Variants in EPHA4 observed in about 807,000 individuals in gnomAD.
EPHA4 encodes EPH receptor A4, also known as ephrin type-A receptor 4.
A neutral mutation model predicts 108.3 loss-of-function variants in EPHA4; 19 were observed. That is an observed-to-expected ratio of 0.18 (90% confidence interval 0.12 to 0.26). EPHA4 has a LOEUF of 0.26. Among genes scored for constraint, EPHA4 ranks in the 10% least tolerant of loss-of-function variants. EPHA4 has a pLI of 1.00. For synonymous variants in EPHA4, 449 were observed against 455.5 expected (o/e 0.99, Z 0.18); for missense variants, 917 against 1,254.0 (o/e 0.73, Z 4.06).
At position 221,419,248 on chromosome 2, in the gene EPHA4, CT is replaced by C. The variant is rs1035379155; in HGVS notation, c.*2123del. 6.6e-6 allele frequency: 1 copy of C among 152,606 alleles called. No homozygotes were observed. The highest frequency in any genetic ancestry group is 1.5e-5 in the Non-Finnish European group (1 of 68,042). 9.5% of individuals were successfully genotyped at this position (152,606 alleles called of 1,614,324 possible). On this transcript the variant is annotated 3_prime_UTR_variant, in exon 18 of 18. Coordinates refer to ENST00000281821, the MANE Select transcript of EPHA4 (RefSeq NM_004438.5). ...GCTCCGATTCTAGAAGGCTGATGCT[CT>C]TGTGAGGGCAACAGGAGTTAGCTGC... is the stretch of plus-strand genomic sequence containing the variant.
At chr2:221,548,844 T>C (rs1048802551) in intron 3 of EPHA4, among the ~76,000 whole-genome samples, 2 of 152,108 alleles carry the variant, frequency 1.3e-5, no homozygotes, top group African/African-American at 4.8e-5. Context: ...AGTCTAGAAG[T>C]TCATAATTGA....
chr2:221,446,171 AT>A lies in EPHA4; in HGVS notation c.1725del (p.Lys575AsnfsTer15). 1 of 1,522,804 alleles carries A rather than the reference AT, an allele frequency of 6.6e-7. No homozygotes were observed. The highest frequency in any genetic ancestry group is 8.8e-7 in the Non-Finnish European group (1 of 1,136,762). 94.3% of individuals were successfully genotyped at this position (1,522,804 alleles called of 1,614,324 possible). A position where few individuals can be genotyped will look rare whatever the true frequency, so the allele number is the denominator to read the frequency against. ...TCCGCTTCTTGTTTGGCTTTACTGT[AT>A]TTACTCCGTCTATTAAAATTTTTTT... ...AAFVISRRRS[K>X]YSKAKQEADE... On this transcript the variant is annotated frameshift_variant, in exon 9 of 18. Coordinates refer to ENST00000281821, the MANE Select transcript of EPHA4 (RefSeq NM_004438.5). LOFTEE classifies it high-confidence loss of function.
intron 1 of EPHA4, chr2:221,569,284 C>G (rs1490092071): frequency 1.3e-5 from 2 of 152,248 alleles, no homozygotes; most frequent in African/African-American, 4.8e-5. Context: ...CTAACATTTT[C>G]CCTTCCACAA....
intron 5 of EPHA4, among the ~76,000 whole-genome samples, chr2:221,479,752 G>T (rs1691763446): frequency 6.6e-6 from 1 of 152,210 alleles, no homozygotes. Flanking sequence ...ATTATGATAG[G>T]ATAATGAAGC....
upstream of EPHA4, chr2:221,572,744 A>G (rs1331830401): frequency 1.3e-5 from 2 of 152,466 alleles, no homozygotes; most frequent in Non-Finnish European, 1.5e-5. Context: ...TCTTTAGGAG[A>G]GTCGACGTGT....
chr2:221,558,513 AGTAACTG>A (rs1448414810), intron 3 of EPHA4, among the ~76,000 whole-genome samples: 1 of 152,156 alleles, frequency 6.6e-6, no homozygotes, highest in African/African-American at 2.4e-5. Flanking sequence ...TTTGCACAGC[AGTAACTG>A]AAAAACCACT....
At chr2:221,423,260 A>T (rs1361007241) in intron 17 of EPHA4, among the ~76,000 whole-genome samples, 4 of 152,262 alleles carry the variant, frequency 2.6e-5, no homozygotes, top group Admixed American at 2.6e-4. Context: ...GAACTGAGTT[A>T]TAAAGAAAAG....
At chr2:221,540,932 CT>C (rs762353327) in intron 3 of EPHA4, among the ~76,000 whole-genome samples, 13,957 of 120,580 alleles carry the variant, frequency 0.12, 535 homozygotes, top group Non-Finnish European at 0.14. Flanking sequence ...GGAAAACTGT[CT>C]TTTTTTTTTT....
At chr2:221,526,542 TAAAA>T (rs140593891) in intron 3 of EPHA4, among the ~76,000 whole-genome samples, 7 of 144,082 alleles carry the variant, frequency 4.9e-5, no homozygotes, top group Admixed American at 6.9e-5. Flanking sequence ...CAATCTAGTG[TAAAA>T]AAAAAAAAAA....
Position 221,434,179 on chromosome 2 carries a change from T to C in EPHA4, c.2459A>G (p.Tyr820Cys), listed in dbSNP as rs1350485081. The C allele has an allele frequency of 1.2e-6, 2 of 1,614,034 alleles. No individual in the cohort carries two copies. Among genetic ancestry groups the C allele is most frequent in the East Asian group, 2.2e-5 (1 of 44,886 alleles). The change falls in exon 14 of 18, where the codon TAC becomes TGC. Residue 820 changes from tyrosine (Y) to cysteine (C), a missense_variant. Coordinates refer to ENST00000281821, the MANE Select transcript of EPHA4 (RefSeq NM_004438.5). The stretch of plus-strand genomic sequence containing the variant: ...CATATCCCAATAGGGCCTCTCCCCG[T>C]ACGACATCACTTCCCACATAACGAT... ...YGIVMWEVMS[Y>C]GERPYWDMSN...
At chr2:221,479,234 C>T (rs539167814) in intron 5 of EPHA4, among the ~76,000 whole-genome samples, 50 of 152,274 alleles carry the variant, frequency 3.3e-4, no homozygotes, top group African/African-American at 1.2e-3. Context: ...AGGATTCTCC[C>T]TGCTTTTTAG....
In EPHA4 at chr2:221,563,865, C is replaced by A; in HGVS notation, c.689G>T (p.Arg230Leu). Reference sequence around the variant, plus strand: ...TTCTGAGTTGTTGACACAGGAGCCTCGAACTTCCACCAGGGAAGACGTATC... The same window carrying A: ...TTCTGAGTTGTTGACACAGGAGCCTAGAACTTCCACCAGGGAAGACGTATC... ...GADTSSLVEVRGSCVNNSEEK... is the reference protein window; with the variant it reads ...GADTSSLVEVLGSCVNNSEEK... Residue 230 changes from arginine (R) to leucine (L), a missense_variant, in exon 3 of 18, where the codon CGA (arginine) becomes CTA (leucine). Arg to Leu is a moderately radical substitution (Grantham distance 102). Coordinates refer to ENST00000281821, the MANE Select transcript of EPHA4 (RefSeq NM_004438.5). The A allele has an allele frequency of 6.2e-7, 1 of 1,614,188 alleles. No homozygotes were observed. Among genetic ancestry groups the A allele is most frequent in the Non-Finnish European group, 8.5e-7 (1 of 1,180,034 alleles).
intron 3 of EPHA4, among the ~76,000 whole-genome samples, chr2:221,517,857 G>A (rs1693036270): frequency 6.6e-6 from 1 of 152,128 alleles, no homozygotes; most frequent in African/African-American, 2.4e-5. Context: ...CTTGCAAGTG[G>A]GCCACACCTT....
chr2:221,563,624 A>C, intron 3 of EPHA4, 107 bp downstream of exon 3: 1 of 1,339,686 alleles, frequency 7.5e-7, no homozygotes, highest in Non-Finnish European at 1.0e-6. Context: ...GTCCCACCAC[A>C]TCCCACAGGG....
chr2:221,482,767 C>A, intron 4 of EPHA4, 77 bp from the exon 5 acceptor site: 1 of 1,361,856 alleles, frequency 7.3e-7, no homozygotes, highest in South Asian at 1.4e-5. Context: ...GTATTATTTT[C>A]TGCAGCTCTC....
chr2:221,447,925 T>A (rs1690645560), intron 8 of EPHA4, among the ~76,000 whole-genome samples: 1 of 151,984 alleles, frequency 6.6e-6, no homozygotes, highest in Non-Finnish European at 1.5e-5. Flanking sequence ...CACTGCAACC[T>A]CCACCTCTAG....
intron 14 of EPHA4, among the ~76,000 whole-genome samples, chr2:221,433,871 C>T (rs771332521): frequency 3.3e-5 from 5 of 152,126 alleles, no homozygotes; most frequent in Non-Finnish European, 7.4e-5. Context: ...TGAAAGTTCA[C>T]CAAGTAAAAA....
At chr2:221,496,321 A>C (rs1464752590) in intron 4 of EPHA4, among the ~76,000 whole-genome samples, 1 of 151,772 alleles carries the variant, frequency 6.6e-6, no homozygotes, top group African/African-American at 2.4e-5. Context: ...TGAGCACTCA[A>C]AATGTGCCAA....
At chr2:221,444,341 T>A (rs1213942997) in intron 9 of EPHA4, among the ~76,000 whole-genome samples, 1 of 152,138 alleles carries the variant, frequency 6.6e-6, no homozygotes, top group Non-Finnish European at 1.5e-5. Context: ...GTGACAGATA[T>A]CTGGGCCAAG....
Sources: gnomAD v4.1 joint callset for allele counts (sites outside exome capture counted in the v4.1 genomes callset) on GRCh38, gnomAD v4.1.1 for gene constraint, MANE v1.5 for transcripts, NCBI Gene and HGNC (gene_info 2026-07-23, HGNC 2026-07-21) for gene names.